Variants in NEXN observed in about 807,000 individuals in gnomAD.
NEXN encodes the protein nexilin.
In NEXN, 65 loss-of-function variants were observed where a neutral mutation model predicts 92.6. That is an observed-to-expected ratio of 0.70 (90% confidence interval 0.57 to 0.86). The LOEUF is 0.86. Ranked by LOEUF, NEXN falls within the 40% of genes least tolerant of loss-of-function variation. NEXN has a pLI of 0.00. For missense variants in NEXN, 778 were observed against 771.1 expected (o/e 1.01, Z -0.11); for synonymous variants, 254 against 242.5 (o/e 1.05, Z -0.44).
intron 1 of NEXN, among the ~76,000 whole-genome samples, chr1:77,893,370 G>C (rs1311587622): frequency 1.3e-5 from 2 of 152,112 alleles, no homozygotes; most frequent in Admixed American, 1.3e-4. Context: ...GAGATGGTGA[G>C]GAGGCCCAGA....
Position 77,898,224 on chromosome 1 carries a change from C to G in NEXN, c.-53+9465C>G, listed in dbSNP as rs532458729. Among the ~76,000 whole-genome samples, 3 of 152,248 alleles carry G rather than the reference C, an allele frequency of 2.0e-5. No individual in the cohort carries two copies. The East Asian group carries it at 5.8e-4, about 29-fold the overall frequency. On this transcript the variant is annotated intron_variant, in intron 1 of 12. Coordinates refer to ENST00000334785, the MANE Select transcript of NEXN (RefSeq NM_144573.4). ...CCAAGCCAATCCTAAGCCAAAAGAA[C>G]AAAGCTGGAGGCATCACGCTACCTG...
At chr1:77,926,307 T>C in intron 6 of NEXN, 107 bp from the exon 7 acceptor site, 3 of 710,048 alleles carry the variant, frequency 4.2e-6, no homozygotes, top group South Asian at 1.8e-5. Flanking sequence ...TTCTTCATAA[T>C]AACATTGATG....
chr1:77,896,696 T>C (rs1647274072), intron 1 of NEXN, among the ~76,000 whole-genome samples: 2 of 151,520 alleles, frequency 1.3e-5, no homozygotes, highest in Admixed American at 1.3e-4. Context: ...GAGGCAGAGG[T>C]TGCAGTGAGC....
At chr1:77,893,118 C>T (rs1362775645) in intron 1 of NEXN, among the ~76,000 whole-genome samples, 3 of 152,104 alleles carry the variant, frequency 2.0e-5, no homozygotes, top group Non-Finnish European at 2.9e-5. Context: ...CCTCTTGTCT[C>T]GGCCTCCCAA....
chr1:77,899,757 T>C (rs749541964), intron 1 of NEXN, among the ~76,000 whole-genome samples: 14 of 152,146 alleles, frequency 9.2e-5, no homozygotes, highest in African/African-American at 1.2e-4. Context: ...TCCCCAAGCT[T>C]AGGATAGCGC....
intron 11 of NEXN, among the ~76,000 whole-genome samples, chr1:77,941,287 AT>A (rs1321050691): frequency 2.0e-5 from 3 of 152,164 alleles, no homozygotes; most frequent in African/African-American, 7.2e-5. Context: ...GAAACCATGA[AT>A]TAACTACCCA....
intron 11 of NEXN, among the ~76,000 whole-genome samples, chr1:77,936,970 C>T (rs1749912): frequency 0.96 from 146,185 of 152,146 alleles, 70,346 homozygotes; most frequent in East Asian, 1. Context: ...GCAAGCATAA[C>T]TGAGATGATC....
chr1:77,918,062 G>T (rs2102093658), intron 4 of NEXN, 24 bp downstream of exon 4: 1 of 1,612,622 alleles, frequency 6.2e-7, no homozygotes, highest in South Asian at 1.1e-5. Context: ...GGGGTAAATA[G>T]TAAATTAAAT....
rs1468478269 is a variant in NEXN at position 77,942,668 on chromosome 1, C to T, written c.1867C>T (p.Gln623Ter). 3.1e-6 allele frequency: 5 copies of T among 1,613,566 alleles called. No individual in the cohort carries two copies. Among genetic ancestry groups the T allele is most frequent in the Non-Finnish European group, 4.2e-6 (5 of 1,179,706 alleles). ...ATGGTGGTTTGAAGGAGAAATACTG[C>T]AGGATGGAGAAGACTATCAATATAT... ...ITWWFEGEILQDGEDYQYIER... is the reference protein window; with the variant it reads ...ITWWFEGEIL Residue 623 changes from glutamine to a stop codon, truncating the protein, a stop_gained, in exon 13 of 13, where the codon CAG becomes TAG. Transcript: ENST00000334785. LOFTEE classifies it high-confidence loss of function.
intron 1 of NEXN, among the ~76,000 whole-genome samples, chr1:77,904,949 C>T (rs1038966401): frequency 2.0e-5 from 3 of 152,138 alleles, no homozygotes; most frequent in African/African-American, 7.2e-5. Flanking sequence ...CAGTAGAGTG[C>T]CTGGCATAGT....
At chr1:77,918,668 GAA>G (rs376219706) in intron 5 of NEXN, among the ~76,000 whole-genome samples, 101 of 77,158 alleles carry the variant, frequency 1.3e-3, no homozygotes, top group Middle Eastern at 0.012. Flanking sequence ...CTATCTCAAA[GAA>G]AAAAAAAAAA....
intron 10 of NEXN, among the ~76,000 whole-genome samples, chr1:77,934,310 C>T (rs1650569715): frequency 6.6e-6 from 1 of 152,050 alleles, no homozygotes; most frequent in East Asian, 1.9e-4. Flanking sequence ...CGCACCCGGC[C>T]TTTTTGTTTT....
At chr1:77,939,704 G>C (rs566775938) in intron 11 of NEXN, among the ~76,000 whole-genome samples, 2 of 152,324 alleles carry the variant, frequency 1.3e-5, no homozygotes, top group South Asian at 4.1e-4. Flanking sequence ...ATCCTGAATG[G>C]AGTTTCCTCT....
In NEXN at chr1:77,935,956, A is replaced by T. The variant is rs750637324; in HGVS notation, c.1385A>T (p.Glu462Val). Residue 462 changes from glutamate (E) to valine (V), a missense_variant, in exon 11 of 13, where the codon GAA (glutamate) becomes GTA (valine). Around this residue, in one of 3 missense-constraint regions of NEXN, gnomAD observed 532 missense variants for 476.7 expected, o/e 1.12. Transcript: ENST00000334785. ...AAAATTGGACAGTTGTCTGAAAAAG[A>T]AATACAGAAAAAAATAGAAGAAGAG... is the stretch of plus-strand genomic sequence containing the variant. ...FEKIGQLSEK[E>V]IQKKIEEERA... 3 of 1,614,060 alleles carry T rather than the reference A, an allele frequency of 1.9e-6. No homozygotes were observed. Among genetic ancestry groups the T allele is most frequent in the Non-Finnish European group, 2.5e-6 (3 of 1,179,986 alleles).
At chr1:77,893,282 T>C (rs916984702) in intron 1 of NEXN, among the ~76,000 whole-genome samples, 2 of 152,056 alleles carry the variant, frequency 1.3e-5, no homozygotes, top group Non-Finnish European at 2.9e-5. Flanking sequence ...CCCATTCCAC[T>C]GACATGTTTG....
At chr1:77,919,939 A>T (rs1206426988) in intron 5 of NEXN, among the ~76,000 whole-genome samples, 1 of 148,208 alleles carries the variant, frequency 6.7e-6, no homozygotes, top group Non-Finnish European at 1.5e-5. Context: ...TCGCTCTGTC[A>T]CCCAGGCTGG....
intron 1 of NEXN, among the ~76,000 whole-genome samples, chr1:77,908,129 G>A (rs545568262): frequency 6.6e-6 from 1 of 152,182 alleles, no homozygotes; most frequent in African/African-American, 2.4e-5. Context: ...CCAGCCTGAA[G>A]TGCAGTAGCA....
rs537732665 is a variant in NEXN, at chr1:77,916,282, C to A, written c.27+149C>A. ...GCAAGATGTAAAACAAGAAGAGATA[C>A]AATTCACCAGCTGGTCTTGGGCTAG... On this transcript the variant is annotated intron_variant, in intron 2 of 12. Coordinates refer to ENST00000334785, the MANE Select transcript of NEXN (RefSeq NM_144573.4). 7.9e-6 allele frequency: 4 copies of A among 505,406 alleles called. No individual in the cohort carries two copies. The South Asian group carries it at 8.7e-5, about 11-fold the overall frequency. 31.3% of individuals were successfully genotyped at this position (505,406 alleles called of 1,614,324 possible). A position where few individuals can be genotyped will look rare whatever the true frequency, so the allele number is the denominator to read the frequency against.
intron 9 of NEXN, 82 bp from the exon 10 acceptor site, chr1:77,933,196 AAAAG>A (rs1270790398): frequency 2.1e-6 from 2 of 931,544 alleles, no homozygotes; most frequent in East Asian, 5.2e-5. Flanking sequence ...ACAAACAAAA[AAAAG>A]AAATCCCAGT....
Sources: gnomAD v4.1 joint callset for allele counts (sites outside exome capture counted in the v4.1 genomes callset) on GRCh38, gnomAD v4.1.1 for gene constraint, gnomAD v4.1.1 regional missense constraint, MANE v1.5 for transcripts, NCBI Gene and HGNC (gene_info 2026-07-23, HGNC 2026-07-21) for gene names.